Variants in CFAP61 observed in about 807,000 individuals in gnomAD.
CFAP61 encodes cilia and flagella associated protein 61.
A neutral mutation model predicts 135.6 loss-of-function variants in CFAP61; 107 were observed. That is an observed-to-expected ratio of 0.79 (90% CI 0.67 to 0.93). The LOEUF is 0.93. CFAP61 is among the 40% of genes least tolerant of loss of function. The pLI is 0.00. For synonymous variants in CFAP61, 575 were observed against 578.5 expected (o/e 0.99, Z 0.09); for missense variants, 1,507 against 1,556.2 (o/e 0.97, Z 0.53).
intron 22 of CFAP61, among the ~76,000 whole-genome samples, chr20:20,278,018 A>G (rs991181454): frequency 6.6e-6 from 1 of 152,210 alleles, no homozygotes; most frequent in Non-Finnish European, 1.5e-5. Context: ...TCTATTTGCT[A>G]GAGGCAAGTT....
chr20:20,154,659 AAAC>A (rs907433915), intron 9 of CFAP61, among the ~76,000 whole-genome samples: 5 of 151,908 alleles, frequency 3.3e-5, no homozygotes, highest in African/African-American at 9.7e-5. Context: ...AAAAATCCCA[AAAC>A]AACAACAACA....
At chr20:20,302,488 C>T (rs748930396) in intron 25 of CFAP61, among the ~76,000 whole-genome samples, 2 of 152,050 alleles carry the variant, frequency 1.3e-5, no homozygotes, top group East Asian at 3.9e-4. Flanking sequence ...ATGGGGAAAA[C>T]GCATCTCTAC....
intron 21 of CFAP61, 51 bp downstream of exon 21, chr20:20,263,181 T>G (rs2052410316): frequency 7.4e-7 from 1 of 1,357,932 alleles, no homozygotes; most frequent in Non-Finnish European, 1.0e-6. Flanking sequence ...TTTATTTTTA[T>G]AATGAGTCTC....
chr20:20,360,360 C>A lies in CFAP61; in HGVS notation c.3664C>A (p.His1222Asn), dbSNP rs778759449. 4 of 1,613,776 alleles carry A rather than the reference C, an allele frequency of 2.5e-6. No homozygotes were observed. In the African/African-American group the frequency reaches 5.3e-5, roughly 22 times the overall value. Residue 1222 changes from histidine to asparagine, a missense_variant, in exon 27 of 27, where the codon CAC becomes AAC. His to Asn is a moderately conservative substitution (Grantham distance 68). Coordinates refer to ENST00000245957, the MANE Select transcript of CFAP61 (RefSeq NM_015585.4). ...GGAGAGAAGCACTCTTGACTACCTG[C>A]ACTATAACCGCTACCACCTGCCCAT... Reference protein sequence around the residue: ...LVERSTLDYLHYNRYHLPMYA... With the variant: ...LVERSTLDYLNYNRYHLPMYA...
chr20:20,192,393 C>T (rs2055986440), intron 15 of CFAP61, among the ~76,000 whole-genome samples: 1 of 152,050 alleles, frequency 6.6e-6, no homozygotes, highest in African/African-American at 2.4e-5. Flanking sequence ...TTATGGGTAC[C>T]TTTGCCTTTT....
intron 26 of CFAP61, among the ~76,000 whole-genome samples, chr20:20,358,615 G>T (rs565478028): frequency 9.8e-5 from 15 of 152,286 alleles, no homozygotes; most frequent in African/African-American, 3.4e-4. Flanking sequence ...TTAGTTGTGA[G>T]AATCAGTTGC....
intron 25 of CFAP61, among the ~76,000 whole-genome samples, chr20:20,327,776 T>G (rs1234040673): frequency 3.3e-5 from 1 of 29,864 alleles, no homozygotes; most frequent in Non-Finnish European, 5.2e-5. Flanking sequence ...CAAGAGCCTG[T>G]CAAAAAAAAA....
chr20:20,171,388 C>G (rs568731296), intron 13 of CFAP61, among the ~76,000 whole-genome samples: 2 of 152,264 alleles, frequency 1.3e-5, no homozygotes, highest in South Asian at 4.1e-4. Flanking sequence ...GCAAGGGTTA[C>G]CTAACATATC....
At chr20:20,308,522 C>A (rs374210632) in intron 25 of CFAP61, among the ~76,000 whole-genome samples, 3 of 152,108 alleles carry the variant, frequency 2.0e-5, no homozygotes, top group East Asian at 3.9e-4. Context: ...ACTCTGCAGG[C>A]CTTGCAAGGG....
At chr20:20,082,815 T>C (rs1411672056) in intron 6 of CFAP61, among the ~76,000 whole-genome samples, 1 of 152,130 alleles carries the variant, frequency 6.6e-6, no homozygotes, top group East Asian at 1.9e-4. Context: ...CCTGCAAGGA[T>C]GGCCATAATT....
rs1016081551 is a variant in CFAP61, at chr20:20,119,692, G to A, written c.859+20878G>A. On this transcript the variant is annotated intron_variant, in intron 8 of 26. Coordinates refer to ENST00000245957, the MANE Select transcript of CFAP61 (RefSeq NM_015585.4). ...GGTACATGTGTAGGTTTGTTACATA[G>A]GTAAACTCATGTCATGGGGGTTTGT... Among the ~76,000 whole-genome samples, 6 of 152,040 alleles carry A rather than the reference G, an allele frequency of 3.9e-5. No homozygotes were observed. In the South Asian group the frequency reaches 6.2e-4, roughly 16 times the overall value.
At chr20:20,299,681 C>T (rs991979598) in intron 25 of CFAP61, among the ~76,000 whole-genome samples, 2 of 152,180 alleles carry the variant, frequency 1.3e-5, no homozygotes, top group East Asian at 1.9e-4. Context: ...CTGTTTAGCA[C>T]GGTGTTTGTG....
chr20:20,359,596 G>A lies in CFAP61; in HGVS notation c.3514-614G>A, dbSNP rs1178201335. 2.6e-5 allele frequency among the ~76,000 whole-genome samples: 4 copies of A among 152,220 alleles called. No homozygotes were observed. Among genetic ancestry groups the A allele is most frequent in the Non-Finnish European group, 5.9e-5 (4 of 68,026 alleles). On this transcript the variant is annotated intron_variant, in intron 26 of 26. Coordinates refer to ENST00000245957, the MANE Select transcript of CFAP61 (RefSeq NM_015585.4). The surrounding 1 kb of genome is among the most constrained non-coding windows in gnomAD (Gnocchi z 4.0). The stretch of plus-strand genomic sequence containing the variant: ...GGAGAATAGTTTGAACCTGGTAGGC[G>A]GAGGTTGCAGTGAGCCGAGATCATG...
chr20:20,112,402 CA>C lies in CFAP61; in HGVS notation c.859+13591del, dbSNP rs1206031471. Among the ~76,000 whole-genome samples the C allele has an allele frequency of 3.9e-5, 6 of 152,074 alleles. No individual in the cohort carries two copies. In the East Asian group the frequency reaches 9.6e-4, roughly 24 times the overall value. Reference sequence around the variant, plus strand: ...GGGAAAGTTATCTCTTCTTACTTGACAAAGCTTTTCATGCATTTCAACATAT... The same window carrying C: ...GGGAAAGTTATCTCTTCTTACTTGACAAGCTTTTCATGCATTTCAACATAT... On this transcript the variant is annotated intron_variant, in intron 8 of 26. Coordinates refer to ENST00000245957, the MANE Select transcript of CFAP61 (RefSeq NM_015585.4).
rs1277233037 is a variant in CFAP61, at chr20:20,106,000, C to CTATACATATATATATATATATA, written c.859+7190_859+7191insCATATATATATATATATATATA. ...CTTCGAAAGCTTTAGCTACTCTTGCCTATATATATATATATATATATATAT... is the reference window on the plus strand; with the variant it reads ...CTTCGAAAGCTTTAGCTACTCTTGCCTATACATATATATATATATATATATATATATATATATATATATATAT... On this transcript the variant is annotated intron_variant, in intron 8 of 26. Coordinates refer to ENST00000245957, the MANE Select transcript of CFAP61 (RefSeq NM_015585.4). Among the ~76,000 whole-genome samples the CTATACATATATATATATATATA allele has an allele frequency of 9.7e-5, 10 of 102,652 alleles. 3 individuals carry two copies. The East Asian group carries it at 1.7e-3, about 17-fold the overall frequency. The allele number at this position is 102,652 out of a possible 152,430, so 67.3% of individuals were successfully genotyped here. A position where few individuals can be genotyped will look rare whatever the true frequency, so the allele number is the denominator to read the frequency against.
chr20:20,314,244 G>C (rs900815715), intron 25 of CFAP61, among the ~76,000 whole-genome samples: 1 of 134,200 alleles, frequency 7.5e-6, no homozygotes, highest in Non-Finnish European at 1.6e-5. Flanking sequence ...AAAAAAATTA[G>C]CAGGGTGTCT....
In CFAP61 at chr20:20,228,340, G is replaced by A. The variant is rs34744783; in HGVS notation, c.2024G>A (p.Ser675Asn). ...AAGATCATTGTGGTTGGTGCATCCA[G>A]TGTTGGAATTTCCTTCCTAGAGACA... ...NAKIIVVGAS[S>N]VGISFLETLV... Residue 675 changes from serine to asparagine, a missense_variant, in exon 18 of 27, where the codon AGT (serine) becomes AAT (asparagine). Ser to Asn is a conservative substitution (Grantham distance 46, BLOSUM62 1). Transcript: ENST00000245957. 5.7e-4 allele frequency: 911 copies of A among 1,611,994 alleles called. 7 individuals are homozygous for A. In the African/African-American group the frequency reaches 0.01, roughly 18 times the overall value.
intron 13 of CFAP61, among the ~76,000 whole-genome samples, chr20:20,177,755 C>G (rs151070645): frequency 2.0e-5 from 3 of 150,598 alleles, no homozygotes; most frequent in African/African-American, 7.4e-5. Context: ...TAAGGGCGAA[C>G]GTGAAGAGTA....
chr20:20,312,587 CTG>C, intron 25 of CFAP61, among the ~76,000 whole-genome samples: 1 of 152,078 alleles, frequency 6.6e-6, no homozygotes, highest in Admixed American at 6.5e-5. Flanking sequence ...ACTCACAAAT[CTG>C]AGAAGCTCAG....
Sources: gnomAD v4.1 joint callset for allele counts (sites outside exome capture counted in the v4.1 genomes callset) on GRCh38, gnomAD v4.1.1 for gene constraint, Gnocchi (gnomAD v3.1) non-coding constraint, MANE v1.5 for transcripts, NCBI Gene and HGNC (gene_info 2026-07-23, HGNC 2026-07-21) for gene names.